ERC2: variants seen among roughly 807,000 people sequenced by gnomAD.
ERC2 encodes ERC protein 2.
In ERC2, 42 loss-of-function variants were observed where a neutral mutation model predicts 114.8. The observed-to-expected ratio is 0.37, with a 90% CI of 0.29 to 0.47. ERC2 has a LOEUF of 0.47. Ranked by LOEUF, ERC2 falls within the 20% of genes least tolerant of loss-of-function variation. ERC2 has a pLI of 0.99. For synonymous variants in ERC2, 454 were observed against 425.5 expected, an observed-to-expected ratio of 1.07 and a Z score of -0.82; for missense variants, 939 against 1,150.7, an observed-to-expected ratio of 0.82 and a Z score of 2.66.
At chr3:55,664,555 T>TG (rs1359094803) in intron 17 of ERC2, among the ~76,000 whole-genome samples, 1 of 151,998 alleles carries the variant, frequency 6.6e-6, no homozygotes, top group Non-Finnish European at 1.5e-5. Flanking sequence ...TGCTGGGTGG[T>TG]GGGGAGGAGG....
intron 2 of ERC2, among the ~76,000 whole-genome samples, chr3:56,373,646 AT>A (rs879868938): frequency 5.3e-5 from 8 of 152,222 alleles, no homozygotes; most frequent in African/African-American, 9.6e-5. Flanking sequence ...AACAGTAAAT[AT>A]TTTAGTCTTT....
intron 17 of ERC2, among the ~76,000 whole-genome samples, chr3:55,615,024 A>G (rs879306255): frequency 6.6e-6 from 1 of 152,246 alleles, no homozygotes; most frequent in Admixed American, 6.5e-5. Context: ...TTTATTTGAT[A>G]CTTATTGATG....
At chr3:56,309,599 A>G (rs2056422879) in intron 2 of ERC2, among the ~76,000 whole-genome samples, 1 of 152,222 alleles carries the variant, frequency 6.6e-6, no homozygotes, top group Non-Finnish European at 1.5e-5. Context: ...GGATCTACCC[A>G]TGACAGCCTG....
At chr3:55,952,178 C>T (rs1347905601) in intron 12 of ERC2, among the ~76,000 whole-genome samples, 1,506 of 41,296 alleles carry the variant, frequency 0.036, 72 homozygotes, top group South Asian at 0.11. Flanking sequence ...CACACACACA[C>T]ACTCTCTCTC....
chr3:56,037,921 TC>T (rs2074906441), intron 7 of ERC2, among the ~76,000 whole-genome samples: 2 of 152,112 alleles, frequency 1.3e-5, no homozygotes, highest in Admixed American at 6.5e-5. Context: ...CAGGACCCCT[TC>T]CTCACACCTT....
intron 17 of ERC2, among the ~76,000 whole-genome samples, chr3:55,622,335 A>T (rs1472398984): frequency 6.6e-6 from 1 of 152,218 alleles, no homozygotes; most frequent in Non-Finnish European, 1.5e-5. Context: ...CAGCCAGTGG[A>T]TTCTCAAGTA....
At chr3:56,287,533 G>A (rs913952568) in intron 3 of ERC2, among the ~76,000 whole-genome samples, 2 of 152,134 alleles carry the variant, frequency 1.3e-5, no homozygotes, top group Admixed American at 6.5e-5. Flanking sequence ...ATGACCTCAC[G>A]GATTTATAGT....
Position 56,006,605 on chromosome 3 carries a change from C to T in ERC2, c.2061+576G>A, listed in dbSNP as rs2072512583. Reference sequence around the variant, plus strand: ...CTGGGTCAGAGAAAACATGTTAATGCCGCCATGTAAATATCCTATTTCTTT... The same window carrying T: ...CTGGGTCAGAGAAAACATGTTAATGTCGCCATGTAAATATCCTATTTCTTT... On this transcript the variant is annotated intron_variant, in intron 10 of 17. Transcript: ENST00000288221. Among the ~76,000 whole-genome samples the T allele has an allele frequency of 1.3e-5, 2 of 152,182 alleles. 1 individual carries two copies. The highest frequency in any genetic ancestry group is 4.8e-5 in the African/African-American group (2 of 41,546).
chr3:55,702,909 C>A (rs1458049214), intron 15 of ERC2, among the ~76,000 whole-genome samples: 2 of 152,212 alleles, frequency 1.3e-5, no homozygotes, highest in Non-Finnish European at 2.9e-5. Flanking sequence ...AACTCAGGGA[C>A]TCATTTAGCG....
chr3:55,994,647 T>TAAAAA lies in ERC2; in HGVS notation c.2062-2402_2062-2398dup, dbSNP rs10662566. ...CATTGACAAGATACTACATACTCCC[T>TAAAAA]AAAAAAAAAAAAAAAAAAAAAAAAA... On this transcript the variant is annotated intron_variant, in intron 10 of 17. Transcript: ENST00000288221. Among the ~76,000 whole-genome samples, 166 of 61,408 alleles carry TAAAAA rather than the reference T, an allele frequency of 2.7e-3. 18 individuals are homozygous for TAAAAA. The highest frequency in any genetic ancestry group is 7.7e-3 in the South Asian group (8 of 1,044). The allele number at this position is 61,408 out of a possible 152,430, so 40.3% of individuals were successfully genotyped here. A position where few individuals can be genotyped will look rare whatever the true frequency, so the allele number is the denominator to read the frequency against.
At chr3:56,310,264 C>T (rs1367694001) in intron 2 of ERC2, among the ~76,000 whole-genome samples, 2 of 152,080 alleles carry the variant, frequency 1.3e-5, no homozygotes, top group Non-Finnish European at 2.9e-5. Flanking sequence ...CTACCCCAAA[C>T]GTGTAATGAT....
chr3:56,257,792 A>T (rs1443469047), intron 3 of ERC2, among the ~76,000 whole-genome samples: 1 of 152,242 alleles, frequency 6.6e-6, no homozygotes, highest in Non-Finnish European at 1.5e-5. Flanking sequence ...ACTGCCAGAG[A>T]TGTAAAAGCA....
intron 10 of ERC2, among the ~76,000 whole-genome samples, chr3:55,997,326 T>C (rs1470352604): frequency 6.6e-6 from 1 of 152,036 alleles, no homozygotes; most frequent in African/African-American, 2.4e-5. Context: ...TTAATGTCCA[T>C]TGACAGCGCT....
chr3:56,305,912 C>T (rs1303325064), intron 2 of ERC2, among the ~76,000 whole-genome samples: 3 of 152,122 alleles, frequency 2.0e-5, no homozygotes, highest in East Asian at 3.9e-4. Flanking sequence ...TGTACTGGTG[C>T]AATCTCAGCT....
At chr3:56,284,738 C>T (rs1159944101) in intron 3 of ERC2, among the ~76,000 whole-genome samples, 1 of 152,104 alleles carries the variant, frequency 6.6e-6, no homozygotes, top group East Asian at 1.9e-4. Flanking sequence ...ATAATTATTA[C>T]CTCCATAAAT....
intron 2 of ERC2, among the ~76,000 whole-genome samples, chr3:56,350,341 A>C (rs888764742): frequency 1.8e-4 from 28 of 152,344 alleles, no homozygotes; most frequent in African/African-American, 5.8e-4. Flanking sequence ...GGAATTTGTA[A>C]ATGGCCTCTG....
chr3:56,411,502 G>A (rs1238902786), intron 2 of ERC2, among the ~76,000 whole-genome samples: 1 of 151,964 alleles, frequency 6.6e-6, no homozygotes, highest in Non-Finnish European at 1.5e-5. Flanking sequence ...ATACTTGCAG[G>A]CTGTTCCTTG....
At chr3:56,201,091 C>T (rs568527561) in intron 3 of ERC2, among the ~76,000 whole-genome samples, 3 of 152,282 alleles carry the variant, frequency 2.0e-5, no homozygotes, top group African/African-American at 7.2e-5. Context: ...TCTCATCCCA[C>T]CTCATCTAAA....
chr3:56,416,350 C>T (rs575304857), intron 2 of ERC2, among the ~76,000 whole-genome samples: 1 of 152,226 alleles, frequency 6.6e-6, no homozygotes, highest in South Asian at 2.1e-4. Flanking sequence ...CCATGAAAAA[C>T]CCCTCTTCAT....
Sources: allele counts gnomAD v4.1 joint callset (sites outside exome capture counted in the v4.1 genomes callset), GRCh38; gene constraint gnomAD v4.1.1; transcripts MANE v1.5; gene names NCBI Gene and HGNC (gene_info 2026-07-23, HGNC 2026-07-21).